CABCOCO1: variants seen among roughly 807,000 people sequenced by gnomAD.
The protein encoded by CABCOCO1 is ciliary associated calcium binding coiled-coil 1.
A neutral mutation model predicts 35.7 loss-of-function variants in CABCOCO1; 28 were observed. The ratio of observed to expected loss-of-function variants is 0.78; its 90% CI spans 0.58 to 1.07. The LOEUF is 1.07. CABCOCO1 is among the 50% of genes least tolerant of loss of function. The probability of loss-of-function intolerance (pLI) is 0.00; values close to 1 mark genes in which losing one functional copy is unlikely to be tolerated. For missense variants in CABCOCO1, 326 were observed against 309.2 expected (o/e 1.05, Z -0.41); for synonymous variants, 95 against 100.1 (o/e 0.95, Z 0.30).
intron 5 of CABCOCO1, among the ~76,000 whole-genome samples, chr10:61,744,971 G>A (rs1476330111): frequency 6.6e-6 from 1 of 152,124 alleles, no homozygotes. Flanking sequence ...TTGAATTAAT[G>A]TCTAGTCTTT....
chr10:61,758,328 G>C (rs1841940461), intron 5 of CABCOCO1, among the ~76,000 whole-genome samples: 1 of 151,802 alleles, frequency 6.6e-6, no homozygotes, highest in Non-Finnish European at 1.5e-5. Flanking sequence ...TTCCTAGCTT[G>C]GTAAAATAAA....
At chr10:61,748,010 C>G (rs1392138193) in intron 5 of CABCOCO1, among the ~76,000 whole-genome samples, 2 of 152,132 alleles carry the variant, frequency 1.3e-5, no homozygotes, top group Non-Finnish European at 2.9e-5. Context: ...TCAATTCATT[C>G]TACATAACTT....
chr10:61,699,846 G>T (rs1840403201), intron 5 of CABCOCO1, among the ~76,000 whole-genome samples: 1 of 152,070 alleles, frequency 6.6e-6, no homozygotes, highest in African/African-American at 2.4e-5. Flanking sequence ...TGAGATCTGG[G>T]TAACTGACAT....
chr10:61,678,644 C>G (rs752393219), intron 2 of CABCOCO1, among the ~76,000 whole-genome samples: 5 of 152,098 alleles, frequency 3.3e-5, no homozygotes, highest in Admixed American at 1.3e-4. Context: ...AAGGCTTAAT[C>G]TTAGAACCCA....
intron 5 of CABCOCO1, among the ~76,000 whole-genome samples, chr10:61,712,564 C>A (rs903142190): frequency 6.6e-6 from 1 of 152,104 alleles, no homozygotes; most frequent in African/African-American, 2.4e-5. Flanking sequence ...GTGTTTTAGT[C>A]ATGAAGTCCT....
intron 2 of CABCOCO1, among the ~76,000 whole-genome samples, chr10:61,676,535 A>G (rs1691081563): frequency 6.6e-6 from 1 of 152,220 alleles, no homozygotes; most frequent in South Asian, 2.1e-4. Context: ...TTAAAATTGA[A>G]AGTGAGTGAT....
chr10:61,702,546 GTT>G (rs1380815544), intron 5 of CABCOCO1, among the ~76,000 whole-genome samples: 2 of 152,018 alleles, frequency 1.3e-5, no homozygotes, highest in Admixed American at 1.3e-4. Context: ...AGACTTACAT[GTT>G]AATAAATATA....
chr10:61,740,416 A>G (rs574475792), intron 5 of CABCOCO1, among the ~76,000 whole-genome samples: 1 of 152,248 alleles, frequency 6.6e-6, no homozygotes, highest in Non-Finnish European at 1.5e-5. Flanking sequence ...GTATGGAGCT[A>G]GCAGCAAGCC....
At chr10:61,746,264 C>T (rs1028262638) in intron 5 of CABCOCO1, among the ~76,000 whole-genome samples, 1 of 152,098 alleles carries the variant, frequency 6.6e-6, no homozygotes, top group Non-Finnish European at 1.5e-5. Context: ...TTTATGCTCT[C>T]CTTGGTAATT....
At chr10:61,735,448 G>A (rs1359808301) in intron 5 of CABCOCO1, among the ~76,000 whole-genome samples, 15 of 151,996 alleles carry the variant, frequency 9.9e-5, no homozygotes, top group African/African-American at 3.6e-4. Flanking sequence ...AAAGTTAGAC[G>A]GAGAGCTACA....
chr10:61,750,999 T>C (rs1417960929), intron 5 of CABCOCO1, among the ~76,000 whole-genome samples: 2 of 151,996 alleles, frequency 1.3e-5, no homozygotes, highest in African/African-American at 4.8e-5. Context: ...TACTATGAAG[T>C]TGAATAAGCA....
chr10:61,753,769 T>G (rs567084075), intron 5 of CABCOCO1, among the ~76,000 whole-genome samples: 2 of 152,166 alleles, frequency 1.3e-5, no homozygotes, highest in Non-Finnish European at 2.9e-5. Context: ...TACCTCATTA[T>G]GTCATTCTAT....
intron 5 of CABCOCO1, among the ~76,000 whole-genome samples, chr10:61,699,024 C>CT (rs540415030): frequency 6.6e-6 from 1 of 151,982 alleles, no homozygotes; most frequent in Non-Finnish European, 1.5e-5. Flanking sequence ...TTGAAAAAGG[C>CT]TTTTTTCTTG....
chr10:61,738,759 A>G (rs1230155843), intron 5 of CABCOCO1, among the ~76,000 whole-genome samples: 2 of 152,244 alleles, frequency 1.3e-5, no homozygotes, highest in South Asian at 4.1e-4. Context: ...AGTAAAAACT[A>G]TATTAAATCA....
At chr10:61,680,317 A>AT (rs768186050) in intron 2 of CABCOCO1, among the ~76,000 whole-genome samples, 5,096 of 140,436 alleles carry the variant, frequency 0.036, 231 homozygotes, top group African/African-American at 0.1. Context: ...TCTCAAAAAA[A>AT]ATATATATAT....
In CABCOCO1 at chr10:61,749,983, T is replaced by TTC. The variant is rs1554826354; in HGVS notation, c.553-10076_553-10075insTC. 8.8e-5 allele frequency among the ~76,000 whole-genome samples: 13 copies of TTC among 148,442 alleles called. No individual in the cohort carries two copies. The South Asian group carries it at 1.3e-3, about 15-fold the overall frequency. ...AAATGAGAGCTGCTTTTTTTTTTTTTCATCATCACAGTTTATATTCCCAAA... is the reference window on the plus strand; with the variant it reads ...AAATGAGAGCTGCTTTTTTTTTTTTTTCCATCATCACAGTTTATATTCCCAAA... On this transcript the variant is annotated intron_variant, in intron 5 of 7. Coordinates refer to ENST00000648843, the MANE Select transcript of CABCOCO1 (RefSeq NM_001366906.2).
intron 5 of CABCOCO1, among the ~76,000 whole-genome samples, chr10:61,693,500 C>A (rs935913377): frequency 1.3e-5 from 2 of 151,814 alleles, no homozygotes; most frequent in Non-Finnish European, 2.9e-5. Context: ...AACATAAATC[C>A]CCTCTAATCA....
chr10:61,741,039 G>A (rs951696633), intron 5 of CABCOCO1, among the ~76,000 whole-genome samples: 1 of 152,020 alleles, frequency 6.6e-6, no homozygotes, highest in African/African-American at 2.4e-5. Context: ...AGCTACTCGG[G>A]AGGCTGAGGC....
rs1330659533 is a variant in CABCOCO1 at position 61,680,396 on chromosome 10, T to TTATATACATATAACATATAATATATATA, written c.165-746_165-745insATATACATATAACATATAATATATATAT. 6.6e-5 allele frequency among the ~76,000 whole-genome samples: 8 copies of TTATATACATATAACATATAATATATATA among 121,728 alleles called. No individual in the cohort carries two copies. In the East Asian group the frequency reaches 1.2e-3, roughly 19 times the overall value. 79.9% of individuals were successfully genotyped at this position (121,728 alleles called of 152,430 possible). A position where few individuals can be genotyped will look rare whatever the true frequency, so the allele number is the denominator to read the frequency against. ...TACATATAACATATAATATATATATTTTTATATATAACATATATAATATAT... is the reference window on the plus strand; with the variant it reads ...TACATATAACATATAATATATATATTTATATACATATAACATATAATATATATATTTATATATAACATATATAATATAT... On this transcript the variant is annotated intron_variant, in intron 2 of 7. Transcript: ENST00000648843.
Sources: allele counts gnomAD v4.1 joint callset (sites outside exome capture counted in the v4.1 genomes callset), GRCh38; gene constraint gnomAD v4.1.1; transcripts MANE v1.5; gene names NCBI Gene and HGNC (gene_info 2026-07-23, HGNC 2026-07-21).